Variants in NDUFA11 observed in about 807,000 individuals in gnomAD.
NDUFA11 encodes NADH:ubiquinone oxidoreductase subunit A11.
A neutral mutation model predicts 11.3 loss-of-function variants in NDUFA11; 14 were observed. The observed-to-expected ratio is 1.24, with a 90% CI of 0.82 to 1.94. The LOEUF is 1.94. NDUFA11 is among the 30% of genes most tolerant of loss of function. NDUFA11 has a pLI of 0.00. For missense variants in NDUFA11, 204 were observed against 200.3 expected, an observed-to-expected ratio of 1.02 and a Z score of -0.11; for synonymous variants, 87 against 85.6, an observed-to-expected ratio of 1.02 and a Z score of -0.09.
chr19:5,899,449 CTCTT>C (rs2057631412), intron 1 of NDUFA11, among the ~76,000 whole-genome samples: 1 of 91,396 alleles, frequency 1.1e-5, no homozygotes. Context: ...CGCGCCCGGA[CTCTT>C]TTTTTTTTTT....
intron 1 of NDUFA11, among the ~76,000 whole-genome samples, chr19:5,899,339 C>T (rs1211321595): frequency 3.3e-5 from 5 of 150,398 alleles, no homozygotes; most frequent in Admixed American, 6.7e-5. Flanking sequence ...TTAGTAGAGA[C>T]GGGGTTTCAC....
At position 5,903,611 on chromosome 19, in the gene NDUFA11, C is replaced by G. The variant is rs1057524865; in HGVS notation, c.97+1G>C. 2 of 1,550,356 alleles carry G rather than the reference C, an allele frequency of 1.3e-6. No individual in the cohort carries two copies. Among genetic ancestry groups the G allele is most frequent in the African/African-American group, 2.7e-5 (2 of 73,066 alleles). On this transcript the variant is annotated splice_donor_variant, in intron 1 of 3. Coordinates refer to ENST00000308961, the MANE Select transcript of NDUFA11 (RefSeq NM_175614.5). LOFTEE classifies it high-confidence loss of function. ...ACCCTCGGGGCCCGGCCGGCGCTCA[C>G]CAGCGACGCTGGCAATACTGGTGGT... is the stretch of plus-strand genomic sequence containing the variant.
At chr19:5,895,430 C>CT (rs891688281) in intron 3 of NDUFA11, 8 of 155,626 alleles carry the variant, frequency 5.1e-5, no homozygotes, top group African/African-American at 1.7e-4. Flanking sequence ...CTGAGCTGGG[C>CT]TACAGTCAAG....
At chr19:5,891,252 A>G (rs984505591), downstream of NDUFA11, 1 of 136,684 alleles carries the variant, frequency 7.3e-6, no homozygotes, top group African/African-American at 3.1e-5. Context: ...AGCCCAGGCC[A>G]GCGTTATTTA....
At chr19:5,891,618 A>G (rs1319584003), downstream of NDUFA11, 1 of 152,248 alleles carries the variant, frequency 6.6e-6, no homozygotes, top group East Asian at 1.9e-4. Context: ...GATTCTCGGG[A>G]AGCAAGTGTG....
downstream of NDUFA11, chr19:5,894,572 C>T (rs1448658585): frequency 8.0e-6 from 11 of 1,370,494 alleles, no homozygotes; most frequent in South Asian, 7.7e-5. Flanking sequence ...GGCAGGCAGG[C>T]GCGTGTGCAG....
chr19:5,901,779 C>G (rs2057647358), intron 1 of NDUFA11, among the ~76,000 whole-genome samples: 1 of 151,422 alleles, frequency 6.6e-6, no homozygotes, highest in South Asian at 2.1e-4. Flanking sequence ...ACGCCATTCT[C>G]CTTCCTCAGC....
In NDUFA11 at chr19:5,896,380, G is replaced by A. The variant is rs756593058; in HGVS notation, c.313+73C>T. ...TTGTCCGGGATGGAACAGAGAGGGT[G>A]GAGGATGAGCAGAGGTCAGGGGTCA... On this transcript the variant is annotated intron_variant, in intron 3 of 3. Transcript: ENST00000308961. This position sits in a 1 kb window ranked among gnomAD's most constrained non-coding sequence, Gnocchi z 5.8. The A allele has an allele frequency of 8.2e-6, 12 of 1,456,106 alleles. No homozygotes were observed. In the South Asian group the frequency reaches 8.8e-5, roughly 11 times the overall value. The allele number at this position is 1,456,106 out of a possible 1,614,324, so 90.2% of individuals were successfully genotyped here.
rs745800175 is a variant in NDUFA11, at chr19:5,896,915, C to G, written c.180G>C (p.Thr60=). The G allele has an allele frequency of 1.9e-6, 3 of 1,613,774 alleles. No individual in the cohort carries two copies. The change falls in exon 2 of 4, where the codon ACG becomes ACC. Residue 60 remains threonine (T), a synonymous_variant. Transcript: ENST00000308961. This position sits in a 1 kb window ranked among gnomAD's most constrained non-coding sequence, Gnocchi z 5.8. ...LEGVAKVGQY[T]FTAAAVGAVF... ...GCCCAGCGTGCTCACCTGCAGTGAA[C>G]GTGTATTGTCCAACCTTAGCCACTC...
At chr19:5,892,899 G>T, downstream of NDUFA11, 2 of 1,431,528 alleles carry the variant, frequency 1.4e-6, no homozygotes, top group Non-Finnish European at 1.8e-6. Context: ...GTCCTCTGAG[G>T]ACAGAACAAG....
chr19:5,897,935 C>T (rs1008233067), intron 1 of NDUFA11, among the ~76,000 whole-genome samples: 2 of 152,360 alleles, frequency 1.3e-5, no homozygotes, highest in African/African-American at 2.4e-5. Context: ...CCCCAATCCT[C>T]TGCCTGACTG....
intron 1 of NDUFA11, chr19:5,901,299 C>A (rs1217177732): frequency 7.9e-7 from 1 of 1,272,598 alleles, no homozygotes; most frequent in Non-Finnish European, 1.0e-6. Flanking sequence ...GGGTGGCCCC[C>A]TTCAGCCCTT....
Position 5,896,375 on chromosome 19 carries a change from A to C in NDUFA11, c.313+78T>G. 1 of 1,181,974 alleles carries C rather than the reference A, an allele frequency of 8.5e-7. No homozygotes were observed. The highest frequency in any genetic ancestry group is 1.1e-6 in the Non-Finnish European group (1 of 916,216). 73.2% of individuals were successfully genotyped at this position (1,181,974 alleles called of 1,614,324 possible). On this transcript the variant is annotated intron_variant, in intron 3 of 3. Transcript: ENST00000308961. The surrounding 1 kb of genome is among the most constrained non-coding windows in gnomAD (Gnocchi z 5.8). ...ACTTCTTGTCCGGGATGGAACAGAG[A>C]GGGTGGAGGATGAGCAGAGGTCAGG...
chr19:5,893,210 C>G (rs192066309), downstream of NDUFA11: 1,568 of 1,534,578 alleles, frequency 1.0e-3, 11 homozygotes, highest in African/African-American at 0.019. This position sits in a 1 kb window ranked among gnomAD's most constrained non-coding sequence, Gnocchi z 4.1. Context: ...ATAATCCCAG[C>G]ACTCTGGGAG....
intron 1 of NDUFA11, chr19:5,901,492 A>G: frequency 7.9e-7 from 1 of 1,273,370 alleles, no homozygotes; most frequent in South Asian, 1.2e-5. Flanking sequence ...CTGTCTTACT[A>G]TTAATAAATA....
Position 5,903,723 on chromosome 19 carries a change from A to T in NDUFA11, c.-15T>A, listed in dbSNP as rs1269017784. The T allele has an allele frequency of 6.4e-7, 1 of 1,550,914 alleles. No homozygotes were observed. ...TTCGGCGCCATAGCCCGCAATCTCG[A>T]TCCCGCACCACGGACCCCGCCAGCT... On this transcript the variant is annotated 5_prime_UTR_variant, in exon 1 of 4. Transcript: ENST00000308961.
chr19:5,901,295 C>T (rs756357664), intron 1 of NDUFA11: 9 of 1,264,914 alleles, frequency 7.1e-6, no homozygotes, highest in Non-Finnish European at 9.3e-6. Context: ...CCCTGGGTGG[C>T]CCCCTTCAGC....
chr19:5,898,970 G>A (rs2057627354), intron 1 of NDUFA11, among the ~76,000 whole-genome samples: 1 of 151,346 alleles, frequency 6.6e-6, no homozygotes. Flanking sequence ...CTGCATCCAC[G>A]GTAAGGGACT....
intron 1 of NDUFA11, among the ~76,000 whole-genome samples, chr19:5,903,027 AAG>A (rs1491449629): frequency 5.5e-5 from 8 of 145,222 alleles, no homozygotes; most frequent in Admixed American, 1.4e-4. Flanking sequence ...AAAAAAAAAA[AAG>A]GAGAATGCCA....
Sources: gnomAD v4.1 joint callset for allele counts (sites outside exome capture counted in the v4.1 genomes callset) on GRCh38, gnomAD v4.1.1 for gene constraint, Gnocchi (gnomAD v3.1) non-coding constraint, MANE v1.5 for transcripts, NCBI Gene and HGNC (gene_info 2026-07-23, HGNC 2026-07-21) for gene names.